OLFM2: variants seen among roughly 807,000 people sequenced by gnomAD.
The protein encoded by OLFM2 is olfactomedin 2.
In OLFM2, 20 loss-of-function variants were observed where a neutral mutation model predicts 43.9. The ratio of observed to expected loss-of-function variants is 0.46; its 90% CI spans 0.32 to 0.66. The LOEUF (loss-of-function observed/expected upper bound fraction) is 0.66, where lower values mean the gene tolerates loss of function less well. Ranked by LOEUF, OLFM2 falls within the 30% of genes least tolerant of loss-of-function variation. The pLI, the probability that OLFM2 is intolerant of heterozygous loss-of-function variation, is 0.04. For synonymous variants in OLFM2, 268 were observed against 278.6 expected (o/e 0.96, Z 0.38); for missense variants, 416 against 643.6 (o/e 0.65, Z 3.83).
chr19:9,861,410 C>T (rs1031392894), intron 1 of OLFM2, among the ~76,000 whole-genome samples: 2 of 152,084 alleles, frequency 1.3e-5, no homozygotes, highest in African/African-American at 2.4e-5. Flanking sequence ...GTGATCCACC[C>T]GTCTCAGCCT....
chr19:9,879,289 C>T (rs778533118), intron 1 of OLFM2, among the ~76,000 whole-genome samples: 2 of 152,146 alleles, frequency 1.3e-5, no homozygotes, highest in Non-Finnish European at 2.9e-5. Flanking sequence ...TGCGCCACCA[C>T]GCCTGGCTAA....
chr19:9,897,062 C>G (rs1280148862), intron 1 of OLFM2, among the ~76,000 whole-genome samples: 2 of 152,126 alleles, frequency 1.3e-5, no homozygotes, highest in African/African-American at 4.8e-5. Flanking sequence ...GATGTGGTGG[C>G]TCACACCTGT....
chr19:9,860,392 T>G (rs2046357752), intron 2 of OLFM2, among the ~76,000 whole-genome samples: 1 of 151,152 alleles, frequency 6.6e-6, no homozygotes, highest in South Asian at 2.1e-4. Context: ...GGGGATTGCT[T>G]GAACCTAGGA....
intron 1 of OLFM2, among the ~76,000 whole-genome samples, chr19:9,929,490 G>A (rs908922981): frequency 1.2e-4 from 19 of 152,060 alleles, no homozygotes; most frequent in Admixed American, 1.0e-3. Context: ...CAGCTACTTG[G>A]GAGGCTGAGG....
At chr19:9,913,434 C>G in intron 1 of OLFM2, 4 of 1,011,536 alleles carry the variant, frequency 4.0e-6, no homozygotes, top group Non-Finnish European at 4.8e-6. Context: ...GCGGCTGTGG[C>G]GCGGGTACCA....
chr19:9,885,488 G>A (rs1052156294), intron 1 of OLFM2, among the ~76,000 whole-genome samples: 4 of 152,182 alleles, frequency 2.6e-5, no homozygotes, highest in Non-Finnish European at 5.9e-5. Flanking sequence ...GCTGCTGACT[G>A]CCTAGATGTA....
intron 1 of OLFM2, among the ~76,000 whole-genome samples, chr19:9,878,005 C>T (rs572012358): frequency 1.3e-5 from 2 of 152,176 alleles, no homozygotes; most frequent in East Asian, 1.9e-4. Flanking sequence ...CACGTGCCAC[C>T]ACATCTGGCT....
intron 1 of OLFM2, among the ~76,000 whole-genome samples, chr19:9,873,596 A>G (rs2046461087): frequency 6.6e-6 from 1 of 152,084 alleles, no homozygotes; most frequent in Non-Finnish European, 1.5e-5. Context: ...CTGAGACCAC[A>G]GGTGTGTGCC....
At chr19:9,914,397 T>A (rs1187934823) in intron 1 of OLFM2, among the ~76,000 whole-genome samples, 2 of 152,098 alleles carry the variant, frequency 1.3e-5, no homozygotes, top group East Asian at 3.9e-4. Context: ...CTGAGACCAC[T>A]CTAAGGATCC....
chr19:9,931,683 T>C (rs1412372468), intron 1 of OLFM2, among the ~76,000 whole-genome samples: 1 of 143,658 alleles, frequency 7.0e-6, no homozygotes, highest in Non-Finnish European at 1.5e-5. Flanking sequence ...TACTCCAGCA[T>C]GGGTGACAGA....
At chr19:9,860,369 G>A (rs36086746) in intron 2 of OLFM2, among the ~76,000 whole-genome samples, 2 of 151,748 alleles carry the variant, frequency 1.3e-5, no homozygotes, top group African/African-American at 2.4e-5. Flanking sequence ...CAGCTACTCA[G>A]AGGCTGAGGA....
intron 1 of OLFM2, among the ~76,000 whole-genome samples, chr19:9,870,388 G>C (rs1463439698): frequency 6.6e-6 from 1 of 152,180 alleles, no homozygotes; most frequent in Non-Finnish European, 1.5e-5. Context: ...ACGAGGGAGA[G>C]AGGAGAGTGA....
At chr19:9,906,760 G>A (rs947138909) in intron 1 of OLFM2, among the ~76,000 whole-genome samples, 7 of 152,074 alleles carry the variant, frequency 4.6e-5, no homozygotes, top group Non-Finnish European at 8.8e-5. Context: ...GCCTTTTCCC[G>A]CCTGGCTTGG....
intron 1 of OLFM2, among the ~76,000 whole-genome samples, chr19:9,920,633 T>C (rs2086413451): frequency 6.6e-6 from 1 of 151,750 alleles, no homozygotes; most frequent in Admixed American, 6.6e-5. Context: ...CGGTGGCTCA[T>C]GCCTGTAATC....
Position 9,927,810 on chromosome 19 carries a change from A to T in OLFM2, c.63+8494T>A, listed in dbSNP as rs572499753. Among the ~76,000 whole-genome samples, 17 of 152,266 alleles carry T rather than the reference A, an allele frequency of 1.1e-4. No homozygotes were observed. In the East Asian group the frequency reaches 3.3e-3, roughly 29 times the overall value. On this transcript the variant is annotated intron_variant, in intron 1 of 5. Transcript: ENST00000264833. The stretch of plus-strand genomic sequence containing the variant: ...GCCGGGTGCAGTGACTCATGCCTGT[A>T]ATCCCAGCACCTTGGGAGGCTGAGG...
chr19:9,930,092 A>G (rs147777520), intron 1 of OLFM2, among the ~76,000 whole-genome samples: 1 of 152,252 alleles, frequency 6.6e-6, no homozygotes, highest in African/African-American at 2.4e-5. Context: ...TGGTTGGCCT[A>G]CATGGATACA....
rs538220490 is a variant in OLFM2, at chr19:9,922,825, C to G, written c.63+13479G>C. Among the ~76,000 whole-genome samples the G allele has an allele frequency of 8.7e-5, 13 of 149,992 alleles. No individual in the cohort carries two copies. The South Asian group carries it at 2.7e-3, about 32-fold the overall frequency. On this transcript the variant is annotated intron_variant, in intron 1 of 5. Transcript: ENST00000264833. Reference sequence around the variant, plus strand: ...ACTTGAGAGGCTGAGGTGGGAGGATCGCTTGAGCCTGGGAGGTTGAGGTTG... The same window carrying G: ...ACTTGAGAGGCTGAGGTGGGAGGATGGCTTGAGCCTGGGAGGTTGAGGTTG...
At chr19:9,890,807 T>C (rs2046632258) in intron 1 of OLFM2, among the ~76,000 whole-genome samples, 1 of 151,948 alleles carries the variant, frequency 6.6e-6, no homozygotes, top group Admixed American at 6.6e-5. Context: ...TTTAAAAATT[T>C]ATCGGGCATG....
At chr19:9,872,641 G>C (rs2046451816) in intron 1 of OLFM2, among the ~76,000 whole-genome samples, 1 of 152,172 alleles carries the variant, frequency 6.6e-6, no homozygotes, top group Non-Finnish European at 1.5e-5. Context: ...GGAGGGGTCA[G>C]GATAGAAAGT....
Sources: allele counts gnomAD v4.1 joint callset (sites outside exome capture counted in the v4.1 genomes callset), GRCh38; gene constraint gnomAD v4.1.1; transcripts MANE v1.5; gene names NCBI Gene and HGNC (gene_info 2026-07-23, HGNC 2026-07-21).